GYS2: variants seen among roughly 807,000 people sequenced by gnomAD.
The protein encoded by GYS2 is glycogen [starch] synthase, liver.
GYS2 carries 80 observed loss-of-function variants against 85.6 expected under a neutral mutation model. That is an observed-to-expected ratio of 0.93 (90% CI 0.78 to 1.13). GYS2 has a LOEUF of 1.13. Among genes scored for constraint, GYS2 ranks in the 50% most tolerant of loss-of-function variants. The pLI is 0.00. For synonymous variants in GYS2, 328 were observed against 300.7 expected (o/e 1.09, Z -0.94); for missense variants, 881 against 854.9 (o/e 1.03, Z -0.38).
intron 5 of GYS2, among the ~76,000 whole-genome samples, chr12:21,567,955 C>T (rs893198386): frequency 6.6e-6 from 1 of 151,944 alleles, no homozygotes; most frequent in African/African-American, 2.4e-5. Flanking sequence ...TGCCTGTAAT[C>T]CCAGCTACTC....
At chr12:21,571,853 T>G (rs947205228) in intron 4 of GYS2, among the ~76,000 whole-genome samples, 1 of 151,944 alleles carries the variant, frequency 6.6e-6, no homozygotes, top group African/African-American at 2.4e-5. Flanking sequence ...TCCCACCTAC[T>G]CAGGAGGCTG....
At chr12:21,562,034 T>C (rs1233556545) in intron 7 of GYS2, among the ~76,000 whole-genome samples, 3 of 152,218 alleles carry the variant, frequency 2.0e-5, no homozygotes, top group Non-Finnish European at 4.4e-5. Context: ...TGTGATGGGA[T>C]TGGAATATAA....
chr12:21,568,791 C>T, intron 5 of GYS2, 74 bp downstream of exon 5: 5 of 1,344,048 alleles, frequency 3.7e-6, no homozygotes, highest in Non-Finnish European at 4.3e-6. Flanking sequence ...TACTACTTCA[C>T]GATGGAAAAC....
chr12:21,604,761 A>T lies in GYS2; in HGVS notation c.-169T>A. 1 of 1,424,172 alleles carries T rather than the reference A, an allele frequency of 7.0e-7. No individual in the cohort carries two copies. The highest frequency in any genetic ancestry group is 1.4e-5 in the African/African-American group (1 of 69,420). 88.2% of individuals were successfully genotyped at this position (1,424,172 alleles called of 1,614,324 possible). ...TGAAATCTTATGTGCTTCCCACAGAATTCCTGGTGGAAGGAGGAATTCTTC... is the reference window on the plus strand; with the variant it reads ...TGAAATCTTATGTGCTTCCCACAGATTTCCTGGTGGAAGGAGGAATTCTTC... On this transcript the variant is annotated 5_prime_UTR_variant, in exon 1 of 16. Transcript: ENST00000261195.
rs139034872 is a variant in GYS2, at chr12:21,601,488, G to C, written c.121+2984C>G. Among the ~76,000 whole-genome samples, 10 of 152,096 alleles carry C rather than the reference G, an allele frequency of 6.6e-5. No individual in the cohort carries two copies. In the East Asian group the frequency reaches 1.7e-3, roughly 26 times the overall value. ...CTCTCTGAGCCCCGCTCAGATCTTCGAACAGAGAACACTTCTGCATCTTGG... is the reference window on the plus strand; with the variant it reads ...CTCTCTGAGCCCCGCTCAGATCTTCCAACAGAGAACACTTCTGCATCTTGG... On this transcript the variant is annotated intron_variant, in intron 1 of 15. Transcript: ENST00000261195.
At chr12:21,556,629 A>G (rs1256256799) in intron 11 of GYS2, among the ~76,000 whole-genome samples, 1 of 152,218 alleles carries the variant, frequency 6.6e-6, no homozygotes, top group Non-Finnish European at 1.5e-5. Context: ...CATGTAACTC[A>G]AACTCAATTA....
intron 2 of GYS2, among the ~76,000 whole-genome samples, chr12:21,576,685 T>C (rs1050480334): frequency 6.6e-6 from 1 of 152,194 alleles, no homozygotes; most frequent in African/African-American, 2.4e-5. Context: ...CAAATTGACG[T>C]TGATTCCTAA....
chr12:21,604,160 C>CA (rs1359711820), intron 1 of GYS2, among the ~76,000 whole-genome samples: 1 of 151,834 alleles, frequency 6.6e-6, no homozygotes, highest in Non-Finnish European at 1.5e-5. Context: ...AATTTTAAAA[C>CA]AAAAAATGTA....
intron 2 of GYS2, 67 bp downstream of exon 2, chr12:21,580,275 T>G: frequency 1.5e-6 from 2 of 1,331,362 alleles, no homozygotes; most frequent in Non-Finnish European, 2.2e-6. Flanking sequence ...TGTGAGTTCA[T>G]GTTAGTTACA....
chr12:21,549,661 T>A (rs985957063), intron 11 of GYS2, among the ~76,000 whole-genome samples: 2 of 152,234 alleles, frequency 1.3e-5, no homozygotes, highest in African/African-American at 4.8e-5. Flanking sequence ...TTGATGTATG[T>A]CCCTCAATGC....
At chr12:21,568,790 A>G (rs1944352486) in intron 5 of GYS2, 75 bp downstream of exon 5, 2 of 1,327,930 alleles carry the variant, frequency 1.5e-6, no homozygotes, top group Admixed American at 3.4e-5. Context: ...CTACTACTTC[A>G]CGATGGAAAA....
At chr12:21,568,730 A>G in intron 5 of GYS2, 135 bp downstream of exon 5, 2 of 785,136 alleles carry the variant, frequency 2.5e-6, no homozygotes, top group Non-Finnish European at 4.5e-6. Flanking sequence ...ATTGAGAATT[A>G]AAATACATAA....
At chr12:21,564,600 G>A (rs758843862) in intron 5 of GYS2, among the ~76,000 whole-genome samples, 1 of 151,946 alleles carries the variant, frequency 6.6e-6, no homozygotes, top group Non-Finnish European at 1.5e-5. Context: ...TACATACATG[G>A]CCACAGTAGA....
chr12:21,595,269 A>G (rs1481900303), intron 1 of GYS2, among the ~76,000 whole-genome samples: 3 of 152,190 alleles, frequency 2.0e-5, no homozygotes, highest in Non-Finnish European at 4.4e-5. Flanking sequence ...CAATCCTGAG[A>G]GGACCCACAG....
At chr12:21,594,943 A>C (rs189834684) in intron 1 of GYS2, among the ~76,000 whole-genome samples, 2 of 152,186 alleles carry the variant, frequency 1.3e-5, no homozygotes, top group Non-Finnish European at 2.9e-5. Context: ...ATGCATCCAC[A>C]TATTTATAGC....
At chr12:21,553,293 A>G (rs950628723) in intron 11 of GYS2, among the ~76,000 whole-genome samples, 10 of 152,220 alleles carry the variant, frequency 6.6e-5, no homozygotes, top group Admixed American at 1.3e-4. Flanking sequence ...ACTGAAGTGC[A>G]GAGAGATTAA....
At chr12:21,574,472 G>A (rs1944422536) in intron 3 of GYS2, 146 bp from the exon 4 acceptor site, 1 of 654,510 alleles carries the variant, frequency 1.5e-6, no homozygotes, top group South Asian at 1.8e-5. Flanking sequence ...TATTTAGCAA[G>A]GATAATACAG....
At chr12:21,542,097 G>T (rs1286257592) in intron 13 of GYS2, among the ~76,000 whole-genome samples, 3 of 151,876 alleles carry the variant, frequency 2.0e-5, no homozygotes, top group African/African-American at 7.3e-5. Context: ...ACCCAGGCAG[G>T]TGTGCAGTGG....
In GYS2 at chr12:21,604,539, C is replaced by T; in HGVS notation, c.54G>A (p.Trp18Ter). The T allele has an allele frequency of 1.2e-6, 2 of 1,612,788 alleles. No individual in the cohort carries two copies. The highest frequency in any genetic ancestry group is 1.7e-6 in the Non-Finnish European group (2 of 1,179,038). Residue 18 changes from tryptophan to a stop codon, truncating the protein, a stop_gained, in exon 1 of 16, where the codon TGG (tryptophan) becomes TGA (stop). Transcript: ENST00000261195. LOFTEE classifies it high-confidence loss of function. ...CCTCCACAGGAAGTTCTTCGACTTCCCACTGGGGAAGCCCACCCAGGGATG... is the reference window on the plus strand; with the variant it reads ...CCTCCACAGGAAGTTCTTCGACTTCTCACTGGGGAAGCCCACCCAGGGATG... Reference protein sequence around the residue: ...SVTSLGGLPQWEVEELPVEEL... With the variant: ...SVTSLGGLPQ
Sources: gnomAD v4.1 joint callset for allele counts (sites outside exome capture counted in the v4.1 genomes callset) on GRCh38, gnomAD v4.1.1 for gene constraint, MANE v1.5 for transcripts, NCBI Gene and HGNC (gene_info 2026-07-23, HGNC 2026-07-21) for gene names.